C12orf54: variants seen among roughly 807,000 people sequenced by gnomAD.
C12orf54 encodes the protein chromosome 12 open reading frame 54.
Under a neutral mutation model 26.4 loss-of-function variants are expected in C12orf54, and 24 were observed. That is an observed-to-expected ratio of 0.91 (90% CI 0.66 to 1.28). The LOEUF (loss-of-function observed/expected upper bound fraction) is 1.28. Ranked by LOEUF, C12orf54 falls within the 50% of genes most tolerant of loss-of-function variation. The pLI, the probability that C12orf54 is intolerant of heterozygous loss-of-function variation, is 0.00. For synonymous variants in C12orf54, 54 were observed against 47.0 expected (o/e 1.15, Z -0.61); for missense variants, 154 against 150.9 (o/e 1.02, Z -0.11).
upstream of C12orf54, among the ~76,000 whole-genome samples, chr12:48,479,075 C>T (rs956217965): frequency 1.4e-4 from 22 of 152,190 alleles, no homozygotes; most frequent in Admixed American, 5.2e-4. Flanking sequence ...ATGTTTATTG[C>T]GGCACTATTC....
chr12:48,442,627 GC>G, the C12orf54 span: 1 of 163,878 alleles, frequency 6.1e-6, no homozygotes. Context: ...AGGATTCAGT[GC>G]CCCCAGTGGC....
intron 4 of C12orf54, among the ~76,000 whole-genome samples, chr12:48,486,933 C>T (rs909380695): frequency 2.0e-5 from 3 of 152,200 alleles, no homozygotes; most frequent in Non-Finnish European, 4.4e-5. Context: ...AGTGCCCCTT[C>T]CTGGCACCCA....
intron 5 of C12orf54, among the ~76,000 whole-genome samples, chr12:48,490,096 G>A (rs1231158820): frequency 6.6e-6 from 1 of 152,124 alleles, no homozygotes; most frequent in African/African-American, 2.4e-5. Context: ...ACTCAATGAG[G>A]AGTGTAAAAG....
chr12:48,448,473 C>T, the C12orf54 span, among the ~76,000 whole-genome samples: 1 of 151,998 alleles, frequency 6.6e-6, no homozygotes, highest in Non-Finnish European at 1.5e-5. Flanking sequence ...TATAAAGTGT[C>T]GCATTATATG....
chr12:48,445,654 A>G, the C12orf54 span, among the ~76,000 whole-genome samples: 1 of 152,172 alleles, frequency 6.6e-6, no homozygotes, highest in Non-Finnish European at 1.5e-5. Context: ...ATATAGCAAG[A>G]TATAGGAAAG....
At chr12:48,468,952 T>G in the C12orf54 span, among the ~76,000 whole-genome samples, 1 of 152,156 alleles carries the variant, frequency 6.6e-6, no homozygotes, top group Non-Finnish European at 1.5e-5. Context: ...CAGCAAGTTT[T>G]TATTAGCGAT....
At chr12:48,433,774 G>A in the C12orf54 span, among the ~76,000 whole-genome samples, 1 of 151,956 alleles carries the variant, frequency 6.6e-6, no homozygotes, top group South Asian at 2.1e-4. Flanking sequence ...AATATTCTTT[G>A]CCAGCGGTGG....
chr12:48,474,645 A>G, the C12orf54 span, among the ~76,000 whole-genome samples: 1 of 152,256 alleles, frequency 6.6e-6, no homozygotes, highest in Non-Finnish European at 1.5e-5. Flanking sequence ...GCTCATTGCT[A>G]GCACAGCAGT....
At chr12:48,481,787 A>C (rs1207636858), upstream of C12orf54, among the ~76,000 whole-genome samples, 1 of 152,146 alleles carries the variant, frequency 6.6e-6, no homozygotes, top group Admixed American at 6.5e-5. Context: ...GTCTGCCTAA[A>C]CACGCTATAC....
the C12orf54 span, among the ~76,000 whole-genome samples, chr12:48,457,462 T>C: frequency 6.6e-6 from 1 of 152,000 alleles, no homozygotes; most frequent in Admixed American, 6.6e-5. Flanking sequence ...ACCTCCTGAG[T>C]AGCTGGGATT....
chr12:48,475,407 C>T, the C12orf54 span, among the ~76,000 whole-genome samples: 4 of 152,040 alleles, frequency 2.6e-5, no homozygotes, highest in Admixed American at 1.3e-4. Flanking sequence ...ATGACTTTGA[C>T]GAGTTGAGAG....
chr12:48,423,893 A>G, the C12orf54 span, among the ~76,000 whole-genome samples: 2 of 152,112 alleles, frequency 1.3e-5, no homozygotes, highest in African/African-American at 4.8e-5. Flanking sequence ...TGGTGAAAGC[A>G]GGCATCCTTG....
At chr12:48,443,751 A>G in the C12orf54 span, among the ~76,000 whole-genome samples, 91,838 of 152,128 alleles carry the variant, frequency 0.6, 28,887 homozygotes, top group East Asian at 0.85. Flanking sequence ...TTTTTTGCCT[A>G]CTCTGCAGTG....
At chr12:48,483,968 C>A (rs144058794) in intron 2 of C12orf54, among the ~76,000 whole-genome samples, 2 of 152,060 alleles carry the variant, frequency 1.3e-5, no homozygotes, top group African/African-American at 4.8e-5. Flanking sequence ...CCAAGGCGGG[C>A]GGATCACCTG....
chr12:48,419,163 C>T, the C12orf54 span, among the ~76,000 whole-genome samples: 3 of 152,156 alleles, frequency 2.0e-5, no homozygotes, highest in African/African-American at 4.8e-5. Context: ...ATTTCAGCTT[C>T]CCTGAAGTTT....
the C12orf54 span, among the ~76,000 whole-genome samples, chr12:48,433,188 T>C: frequency 6.6e-6 from 1 of 152,170 alleles, no homozygotes; most frequent in Non-Finnish European, 1.5e-5. Flanking sequence ...AGATCAGCCT[T>C]GGTGAATGAA....
At chr12:48,454,999 T>C in the C12orf54 span, among the ~76,000 whole-genome samples, 1 of 152,228 alleles carries the variant, frequency 6.6e-6, no homozygotes, top group Non-Finnish European at 1.5e-5. Context: ...TGTGCAGGTT[T>C]GTTATGTGGG....
chr12:48,452,200 T>C, the C12orf54 span, among the ~76,000 whole-genome samples: 3 of 152,284 alleles, frequency 2.0e-5, no homozygotes. Flanking sequence ...AAGCATCTGA[T>C]CTTCAACAAA....
the C12orf54 span, among the ~76,000 whole-genome samples, chr12:48,469,904 A>T: frequency 6.6e-6 from 1 of 152,028 alleles, no homozygotes; most frequent in African/African-American, 2.4e-5. Flanking sequence ...TATGTTCCTG[A>T]ATGCCCAAAG....
Sources: allele counts gnomAD v4.1 joint callset (sites outside exome capture counted in the v4.1 genomes callset), GRCh38; gene constraint gnomAD v4.1.1; transcripts MANE v1.5; gene names NCBI Gene and HGNC (gene_info 2026-07-23, HGNC 2026-07-21).